Variants in MAP4K4 observed in about 807,000 individuals in gnomAD.
The protein encoded by MAP4K4 is HPK/GCK-like kinase HGK.
In MAP4K4, 38 loss-of-function variants were observed where a neutral mutation model predicts 189.6. That is an observed-to-expected ratio of 0.20 (90% CI 0.15 to 0.26). The LOEUF (loss-of-function observed/expected upper bound fraction) is 0.26. Ranked by LOEUF, MAP4K4 falls within the 10% of genes least tolerant of loss-of-function variation. The pLI, the probability that MAP4K4 is intolerant of heterozygous loss-of-function variation, is 1.00. For synonymous variants in MAP4K4, 610 were observed against 624.3 expected (o/e 0.98, Z 0.34); for missense variants, 1,054 against 1,726.9 (o/e 0.61, Z 6.91).
chr2:101,703,797 A>G (rs2040418058), intron 2 of MAP4K4, among the ~76,000 whole-genome samples: 1 of 151,784 alleles, frequency 6.6e-6, no homozygotes, highest in Non-Finnish European at 1.5e-5. Flanking sequence ...GTGGATAACA[A>G]AGTCAGGAGT....
chr2:101,893,998 C>G (rs1315970411), exon 33 of MAP4K4: 2 of 152,332 alleles, frequency 1.3e-5, no homozygotes, highest in Non-Finnish European at 2.9e-5. Flanking sequence ...TAGCCTCACC[C>G]CCTTGTCAAC....
chr2:101,797,416 T>C, intron 3 of MAP4K4: 10 of 1,289,420 alleles, frequency 7.8e-6, no homozygotes, highest in Non-Finnish European at 1.0e-5. Context: ...TTTGACAGTC[T>C]GTATCCCCCT....
chr2:101,890,669 C>T (rs2098553142), intron 32 of MAP4K4, among the ~76,000 whole-genome samples: 1 of 152,104 alleles, frequency 6.6e-6, no homozygotes, highest in Non-Finnish European at 1.5e-5. Context: ...CTTGGCCAGG[C>T]TGGTCTTGAA....
intron 12 of MAP4K4, among the ~76,000 whole-genome samples, chr2:101,845,375 T>C (rs981304332): frequency 2.0e-5 from 3 of 152,154 alleles, no homozygotes; most frequent in African/African-American, 4.8e-5. Context: ...CACAGAAATA[T>C]ATTATTTCCC....
exon 33 of MAP4K4, chr2:101,892,875 A>G (rs1013693367): frequency 2.2e-6 from 1 of 456,038 alleles, no homozygotes; most frequent in African/African-American, 2.0e-5. Flanking sequence ...AAGGATCAGG[A>G]CTCCATGTCA....
intron 28 of MAP4K4, among the ~76,000 whole-genome samples, chr2:101,883,212 G>T (rs2098429263): frequency 6.6e-6 from 1 of 152,298 alleles, no homozygotes; most frequent in East Asian, 1.9e-4. Context: ...CAGCTACTAT[G>T]CTCCTTACTA....
At chr2:101,826,803 A>G (rs915918904) in intron 5 of MAP4K4, among the ~76,000 whole-genome samples, 45 of 152,176 alleles carry the variant, frequency 3.0e-4, no homozygotes, top group African/African-American at 1.0e-3. Flanking sequence ...GGAGAATTCA[A>G]TGAGTTAGTG....
intron 27 of MAP4K4, among the ~76,000 whole-genome samples, chr2:101,879,669 A>G (rs1032785768): frequency 1.8e-4 from 27 of 152,230 alleles, no homozygotes; most frequent in Non-Finnish European, 7.3e-5. Context: ...TGGTGAAGAC[A>G]TGGAACATTG....
intron 24 of MAP4K4, 89 bp downstream of exon 24, chr2:101,871,774 C>G (rs891212915): frequency 5.7e-5 from 69 of 1,206,764 alleles, no homozygotes; most frequent in Admixed American, 2.1e-4. Flanking sequence ...TTCCAACACC[C>G]TCACCCCTTC....
At chr2:101,821,541 T>C (rs1240683389) in intron 3 of MAP4K4, among the ~76,000 whole-genome samples, 2 of 152,190 alleles carry the variant, frequency 1.3e-5, no homozygotes, top group African/African-American at 4.8e-5. Flanking sequence ...AAATATGTTA[T>C]AAAAGATAAA....
intron 12 of MAP4K4, among the ~76,000 whole-genome samples, chr2:101,848,694 T>C (rs1398316281): frequency 3.3e-5 from 5 of 152,018 alleles, no homozygotes; most frequent in Non-Finnish European, 7.4e-5. Context: ...CCTTCATAGG[T>C]CCTTCATCTT....
chr2:101,728,438 A>G (rs1453719088), intron 2 of MAP4K4, among the ~76,000 whole-genome samples: 8 of 152,228 alleles, frequency 5.3e-5, no homozygotes, highest in Non-Finnish European at 8.8e-5. Context: ...TCAACATTTT[A>G]TTATGAAAAA....
intron 27 of MAP4K4, among the ~76,000 whole-genome samples, chr2:101,881,608 T>C (rs1366410408): frequency 2.0e-5 from 3 of 152,206 alleles, no homozygotes; most frequent in African/African-American, 7.2e-5. Flanking sequence ...TTCTCTATCT[T>C]ATGAGGAAAG....
Position 101,797,680 on chromosome 2 carries a change from A to G in MAP4K4, c.180+6904A>G, listed in dbSNP as rs567904483. On this transcript the variant is annotated intron_variant, in intron 3 of 32. Coordinates refer to ENST00000324219, the Ensembl canonical transcript of MAP4K4. ...GTTTATTTATTTATTTATTTTTTAA[A>G]TACTGGTATAAGACAAGACCTTGAA... Among the ~76,000 whole-genome samples, 50 of 152,174 alleles carry G rather than the reference A, an allele frequency of 3.3e-4. 1 individual carries two copies. The highest frequency in any genetic ancestry group is 1.2e-3 in the African/African-American group (50 of 41,512).
intron 2 of MAP4K4, among the ~76,000 whole-genome samples, chr2:101,741,678 A>T (rs1194050046): frequency 6.6e-6 from 1 of 152,150 alleles, no homozygotes; most frequent in African/African-American, 2.4e-5. Flanking sequence ...AATTTTCATG[A>T]GTGCAAAAAA....
chr2:101,864,115 A>G, intron 17 of MAP4K4, 64 bp downstream of exon 17: 1 of 926,274 alleles, frequency 1.1e-6, no homozygotes, highest in Non-Finnish European at 1.5e-6. Context: ...TTTAAAGATT[A>G]TTTATTTTAA....
intron 2 of MAP4K4, among the ~76,000 whole-genome samples, chr2:101,740,267 C>T (rs1227335124): frequency 2.6e-5 from 3 of 113,524 alleles, no homozygotes; most frequent in South Asian, 2.3e-4. Context: ...TATTCTCCTG[C>T]CTCAGCCTCC....
At position 101,698,454 on chromosome 2, in the gene MAP4K4, T is replaced by C. The variant is rs1428184169; in HGVS notation, c.58-19T>C. 1 of 1,605,428 alleles carries C rather than the reference T, an allele frequency of 6.2e-7. No individual in the cohort carries two copies. The highest frequency in any genetic ancestry group is 2.2e-5 in the East Asian group (1 of 44,776). Reference sequence around the variant, plus strand: ...TTGGCTTCTTTTAAATGATAACCCCTCCCCTCCTTCCTCTCCAGGATCCTG... The same window carrying C: ...TTGGCTTCTTTTAAATGATAACCCCCCCCCTCCTTCCTCTCCAGGATCCTG... On this transcript the variant is annotated intron_variant, in intron 1 of 32. Transcript: ENST00000324219.
intron 3 of MAP4K4, among the ~76,000 whole-genome samples, chr2:101,795,890 A>G (rs947177340): frequency 6.6e-6 from 1 of 152,208 alleles, no homozygotes; most frequent in African/African-American, 2.4e-5. Flanking sequence ...AGTTCACAGT[A>G]TTATAATAAT....
Sources: gnomAD v4.1 joint callset for allele counts (sites outside exome capture counted in the v4.1 genomes callset) on GRCh38, gnomAD v4.1.1 for gene constraint, MANE v1.5 for transcripts, NCBI Gene and HGNC (gene_info 2026-07-23, HGNC 2026-07-21) for gene names.